TRIM27: variants seen among roughly 807,000 people sequenced by gnomAD.
The protein encoded by TRIM27 is zinc finger protein RFP.
A neutral mutation model predicts 57.6 loss-of-function variants in TRIM27; 12 were observed. That is an observed-to-expected ratio of 0.21 (90% confidence interval 0.13 to 0.34). The LOEUF is 0.34. Among genes scored for constraint, TRIM27 ranks in the 10% least tolerant of loss-of-function variants. TRIM27 has a pLI of 1.00. For missense variants in TRIM27, 403 were observed against 656.8 expected (o/e 0.61, Z 4.22); for synonymous variants, 266 against 259.0 (o/e 1.03, Z -0.26).
At chr6:28,906,184 C>A (rs2150458914) in intron 7 of TRIM27, 1 of 151,750 alleles carries the variant, frequency 6.6e-6, no homozygotes, top group Middle Eastern at 3.4e-3. Flanking sequence ...GCCTGGGCAA[C>A]AGAGAACCTG....
chr6:28,903,949 C>A lies in TRIM27; in HGVS notation c.*121G>T. 2.6e-6 allele frequency: 2 copies of A among 760,018 alleles called. No homozygotes were observed. Among genetic ancestry groups the A allele is most frequent in the Non-Finnish European group, 4.4e-6 (2 of 449,654 alleles). 47.1% of individuals were successfully genotyped at this position (760,018 alleles called of 1,614,324 possible). ...GAGAACATGGACATCCTGTCTCCCA[C>A]TGCAAGGGCGTGGAACATGGTAAGG... is the stretch of plus-strand genomic sequence containing the variant. On this transcript the variant is annotated 3_prime_UTR_variant, in exon 8 of 8. Transcript: ENST00000377199.
rs117846312 is a variant in TRIM27 at position 28,908,182 on chromosome 6, G to A, written c.919+626C>T. 8.1e-4 allele frequency: 126 copies of A among 155,380 alleles called. No homozygotes were observed. In the East Asian group the frequency reaches 0.022, roughly 27 times the overall value. The allele number at this position is 155,380 out of a possible 1,614,324, so 9.6% of individuals were successfully genotyped here. The stretch of plus-strand genomic sequence containing the variant: ...GAACGATTTAATAAACATAAATATA[G>A]GACTTATTATGTGTCAGGTTCTATT... On this transcript the variant is annotated intron_variant, in intron 6 of 7. Coordinates refer to ENST00000377199, the MANE Select transcript of TRIM27 (RefSeq NM_006510.5).
rs1292929566 is a variant in TRIM27 at position 28,923,741 on chromosome 6, G to A, written c.-109C>T. 4 of 1,271,074 alleles carry A rather than the reference G, an allele frequency of 3.1e-6. No individual in the cohort carries two copies. Among genetic ancestry groups the A allele is most frequent in the Non-Finnish European group, 4.2e-6 (4 of 951,646 alleles). 78.7% of individuals were successfully genotyped at this position (1,271,074 alleles called of 1,614,324 possible). A position where few individuals can be genotyped will look rare whatever the true frequency, so the allele number is the denominator to read the frequency against. ...TCGCTGTTCCTGAGAGGCACCGGGC[G>A]GACGGAGGGCGGCGCCTCCCGGGCC... On this transcript the variant is annotated 5_prime_UTR_variant, in exon 1 of 8. Transcript: ENST00000377199.
At position 28,918,583 on chromosome 6, in the gene TRIM27, A is replaced by G. The variant is rs186602537; in HGVS notation, c.747+1429T>C. On this transcript the variant is annotated intron_variant, in intron 3 of 7. Coordinates refer to ENST00000377199, the MANE Select transcript of TRIM27 (RefSeq NM_006510.5). ...TACATTTTTCTGATTTTTACCATTT[A>G]AAAATGTAAACTGGCCTGACGCTGT... 7.2e-3 allele frequency among the ~76,000 whole-genome samples: 1,097 copies of G among 152,340 alleles called. 27 individuals are homozygous for G. The highest frequency in any genetic ancestry group is 0.014 in the Middle Eastern group (4 of 294).
intron 7 of TRIM27, chr6:28,906,823 G>C (rs1277229139): frequency 6.0e-6 from 1 of 168,046 alleles, no homozygotes; most frequent in Non-Finnish European, 1.3e-5. Flanking sequence ...ACAGTGATGG[G>C]ATGACACAAG....
intron 3 of TRIM27, 146 bp downstream of exon 3, chr6:28,919,866 C>T: frequency 1.5e-6 from 1 of 685,232 alleles, no homozygotes; most frequent in Non-Finnish European, 2.3e-6. Flanking sequence ...CAGTTTCCTT[C>T]CAAGGTGCAC....
At chr6:28,913,264 A>AT (rs1773345890) in intron 3 of TRIM27, among the ~76,000 whole-genome samples, 13 of 140,440 alleles carry the variant, frequency 9.3e-5, no homozygotes, top group African/African-American at 3.4e-4. Context: ...TCAAAAAAAA[A>AT]AAAAAATATA....
intron 7 of TRIM27, 160 bp downstream of exon 7, chr6:28,907,076 T>C (rs1562150183): frequency 6.2e-6 from 4 of 642,278 alleles, no homozygotes; most frequent in Middle Eastern, 4.3e-4. Flanking sequence ...TGTTAACACA[T>C]AGAAACAACT....
In TRIM27 at chr6:28,923,246, C is replaced by T; in HGVS notation, c.387G>A (p.Val129=). The T allele has an allele frequency of 6.2e-7, 1 of 1,603,592 alleles. No homozygotes were observed. The highest frequency in any genetic ancestry group is 8.5e-7 in the Non-Finnish European group (1 of 1,175,218). The change falls in exon 1 of 8, where the codon GTG becomes GTA. Residue 129 remains valine (V), a synonymous_variant. Transcript: ENST00000377199. Reference sequence around the variant, plus strand: ...CCTCCACCGCCTCCTCGAGCGGCAGCACGCTGTGGCCGCGGTGCTCGCGGG... The same window carrying T: ...CCTCCACCGCCTCCTCGAGCGGCAGTACGCTGTGGCCGCGGTGCTCGCGGG... ...DRSREHRGHS[V]LPLEEAVEGF... is the part of the protein sequence containing the mutation.
At chr6:28,915,136 T>C (rs1773506686) in intron 3 of TRIM27, 2 of 152,040 alleles carry the variant, frequency 1.3e-5, no homozygotes, top group Non-Finnish European at 2.9e-5. Context: ...CCCCATTAAG[T>C]AATATTTATC....
intron 6 of TRIM27, chr6:28,908,180 T>C (rs879750870): frequency 6.4e-6 from 1 of 155,420 alleles, no homozygotes; most frequent in Admixed American, 6.5e-5. Context: ...AACATAAATA[T>C]AGGACTTATT....
Position 28,904,999 on chromosome 6 carries a change from A to C in TRIM27, c.947-334T>G. ...GTGGTCATAGTTCATTGTAACCCCA[A>C]ACTCCTGGGCTCAGGTGATTCTCCC... On this transcript the variant is annotated intron_variant, in intron 7 of 7. Coordinates refer to ENST00000377199, the MANE Select transcript of TRIM27 (RefSeq NM_006510.5). This position sits in a 1 kb window ranked among gnomAD's most constrained non-coding sequence, Gnocchi z 6.1. The C allele has an allele frequency of 1.1e-5, 3 of 281,494 alleles. No individual in the cohort carries two copies. The highest frequency in any genetic ancestry group is 9.3e-5 in the South Asian group (1 of 10,704). The allele number at this position is 281,494 out of a possible 1,614,324, so 17.4% of individuals were successfully genotyped here. A position where few individuals can be genotyped will look rare whatever the true frequency, so the allele number is the denominator to read the frequency against.
chr6:28,917,667 C>T (rs1275743845), intron 3 of TRIM27, among the ~76,000 whole-genome samples: 1 of 152,046 alleles, frequency 6.6e-6, no homozygotes, highest in Non-Finnish European at 1.5e-5. Context: ...TACTAGTTCT[C>T]GCAAACCAAC....
chr6:28,912,402 T>G (rs748980518), intron 3 of TRIM27, among the ~76,000 whole-genome samples: 5 of 151,918 alleles, frequency 3.3e-5, no homozygotes, highest in African/African-American at 7.3e-5. Flanking sequence ...GAGCCAGCGG[T>G]GGCCTCTCCC....
intron 3 of TRIM27, 33 bp downstream of exon 3, chr6:28,919,979 G>A (rs371158983): frequency 1.9e-6 from 3 of 1,578,394 alleles, no homozygotes; most frequent in Non-Finnish European, 2.6e-6. Flanking sequence ...ATTTTCAGTG[G>A]GTGCTGCTCT....
At chr6:28,906,921 T>C in intron 7 of TRIM27, 1 of 288,748 alleles carries the variant, frequency 3.5e-6, no homozygotes. Context: ...ACCCTGAAGC[T>C]GGGCGGGCAG....
intron 6 of TRIM27, chr6:28,907,571 G>C: frequency 1.6e-6 from 1 of 629,674 alleles, no homozygotes; most frequent in Non-Finnish European, 3.0e-6. Context: ...ATTCTGCAGA[G>C]GGAAACGCGG....
rs1405215265 is a variant in TRIM27 at position 28,903,215 on chromosome 6, A to C, written c.*855T>G. 1 of 232,578 alleles carries C rather than the reference A, an allele frequency of 4.3e-6. No individual in the cohort carries two copies. Among genetic ancestry groups the C allele is most frequent in the Non-Finnish European group, 8.5e-6 (1 of 117,724 alleles). 14.4% of individuals were successfully genotyped at this position (232,578 alleles called of 1,614,324 possible). A position where few individuals can be genotyped will look rare whatever the true frequency, so the allele number is the denominator to read the frequency against. ...CCCCCTTCCCCCAAAGGAAATGGAG[A>C]AAAGGAGCCAAGAAGTCAATGAATC... On this transcript the variant is annotated 3_prime_UTR_variant, in exon 8 of 8. Transcript: ENST00000377199.
chr6:28,908,459 A>C, intron 6 of TRIM27: 1 of 251,098 alleles, frequency 4.0e-6, no homozygotes, highest in Non-Finnish European at 7.6e-6. Flanking sequence ...GGAACTCAGT[A>C]AATTACAATG....
Sources: gnomAD v4.1 joint callset for allele counts (sites outside exome capture counted in the v4.1 genomes callset) on GRCh38, gnomAD v4.1.1 for gene constraint, Gnocchi (gnomAD v3.1) non-coding constraint, MANE v1.5 for transcripts, NCBI Gene and HGNC (gene_info 2026-07-23, HGNC 2026-07-21) for gene names.